The following UBE2E1 variants were observed in gnomAD, a reference collection of about 807,000 sequenced individuals.
The protein encoded by UBE2E1 is ubiquitin-conjugating enzyme E2 E1.
UBE2E1 carries 6 observed loss-of-function variants against 21.4 expected under a neutral mutation model. The observed-to-expected ratio is 0.28, with a 90% CI of 0.15 to 0.55. The LOEUF (loss-of-function observed/expected upper bound fraction) is 0.55, where lower values mean the gene tolerates loss of function less well. Among genes scored for constraint, UBE2E1 ranks in the 20% least tolerant of loss-of-function variants. UBE2E1 has a pLI of 0.93. For synonymous variants in UBE2E1, 87 were observed against 82.7 expected (o/e 1.05, Z -0.28); for missense variants, 142 against 236.5 (o/e 0.60, Z 2.62).
chr3:23,884,643 G>A (rs1286860042), intron 3 of UBE2E1, among the ~76,000 whole-genome samples: 1 of 152,140 alleles, frequency 6.6e-6, no homozygotes, highest in East Asian at 1.9e-4. Context: ...ATGCCAACAT[G>A]TCACCTCTAG....
chr3:23,850,037 A>G (rs1207789351), intron 3 of UBE2E1, among the ~76,000 whole-genome samples: 2 of 152,188 alleles, frequency 1.3e-5, no homozygotes, highest in Non-Finnish European at 1.5e-5. Flanking sequence ...TCATGTGATT[A>G]TTGGGTATCT....
chr3:23,871,490 C>T (rs542966513), intron 3 of UBE2E1, among the ~76,000 whole-genome samples: 17 of 150,782 alleles, frequency 1.1e-4, no homozygotes, highest in Admixed American at 2.0e-4. Context: ...ACCTCCCGGA[C>T]GGGGCGGCTG....
At chr3:23,871,069 G>A (rs570968098) in intron 3 of UBE2E1, among the ~76,000 whole-genome samples, 1 of 151,998 alleles carries the variant, frequency 6.6e-6, no homozygotes, top group South Asian at 2.1e-4. Flanking sequence ...AGTGTCCCAT[G>A]TCTACCTCTT....
chr3:23,875,089 G>T (rs1251850384), intron 3 of UBE2E1, among the ~76,000 whole-genome samples: 1 of 152,160 alleles, frequency 6.6e-6, no homozygotes, highest in Non-Finnish European at 1.5e-5. Context: ...TTACTTGGAA[G>T]TAGTTTTCTT....
chr3:23,810,442 C>T lies in UBE2E1; in HGVS notation c.153-1018C>T. On this transcript the variant is annotated intron_variant, in intron 2 of 5. Coordinates refer to ENST00000306627, the MANE Select transcript of UBE2E1 (RefSeq NM_003341.5). This position sits in a 1 kb window ranked among gnomAD's most constrained non-coding sequence, Gnocchi z 5.8. ...GCGGAGGGAGAAAACTGCAGGTCTC[C>T]AGTCTATCCCCAGTGTGAGCTAGAG... The T allele has an allele frequency of 1.6e-5, 25 of 1,535,520 alleles. No homozygotes were observed. The highest frequency in any genetic ancestry group is 2.2e-5 in the Non-Finnish European group (25 of 1,146,532).
At chr3:23,809,179 A>G (rs1411985439) in intron 2 of UBE2E1, among the ~76,000 whole-genome samples, 2 of 152,224 alleles carry the variant, frequency 1.3e-5, no homozygotes, top group Non-Finnish European at 2.9e-5. Context: ...TTGTTTTTGC[A>G]ATGAATTTAG....
In UBE2E1 at chr3:23,834,576, A is replaced by G. The variant is rs558547067; in HGVS notation, c.203+23066A>G. On this transcript the variant is annotated intron_variant, in intron 3 of 5. Coordinates refer to ENST00000306627, the MANE Select transcript of UBE2E1 (RefSeq NM_003341.5). The stretch of plus-strand genomic sequence containing the variant: ...TGGCAGCTTTTTATTTAAAAAATGA[A>G]AAAAAGGCCAGGTGCCATGGTTCAA... Among the ~76,000 whole-genome samples the G allele has an allele frequency of 1.4e-4, 21 of 152,208 alleles. No individual in the cohort carries two copies. In the East Asian group the frequency reaches 4.1e-3, roughly 29 times the overall value.
chr3:23,815,024 T>C (rs113215705), intron 3 of UBE2E1, among the ~76,000 whole-genome samples: 4,541 of 152,218 alleles, frequency 0.03, 226 homozygotes, highest in African/African-American at 0.1. Flanking sequence ...GGGTCTCATT[T>C]TGTCACCCAG....
intron 3 of UBE2E1, among the ~76,000 whole-genome samples, chr3:23,860,695 CT>C (rs1325763450): frequency 1.3e-5 from 2 of 152,190 alleles, no homozygotes; most frequent in African/African-American, 4.8e-5. Flanking sequence ...ACACTTACCT[CT>C]TTATTTGCTA....
In UBE2E1 at chr3:23,811,487, T is replaced by C; in HGVS notation, c.180T>C (p.Thr60=). Residue 60 remains threonine (T), a synonymous_variant, in exon 3 of 6, where the codon ACT becomes ACC. Transcript: ENST00000306627. ...TTCAGAAGGAGCTGGCGGACATCAC[T>C]TTAGACCCTCCACCTAATTGCAGGT... ...KRIQKELADI[T]LDPPPNCSAG... is the part of the protein sequence containing the mutation. 1 of 1,614,226 alleles carries C rather than the reference T, an allele frequency of 6.2e-7. No homozygotes were observed. Among genetic ancestry groups the C allele is most frequent in the Non-Finnish European group, 8.5e-7 (1 of 1,180,042 alleles).
chr3:23,846,916 GC>G (rs1316037753), intron 3 of UBE2E1, among the ~76,000 whole-genome samples: 1 of 151,754 alleles, frequency 6.6e-6, no homozygotes, highest in Non-Finnish European at 1.5e-5. Flanking sequence ...ATAAATAGCT[GC>G]TATCTTGAAA....
rs140378760 is a variant in UBE2E1 at position 23,889,189 on chromosome 3, T to C, written c.414T>C (p.Asn138=). The part of the protein sequence containing the change: ...GVICLDILKD[N]WSPALTISKV... ...TTTGCTTGGACATATTGAAAGATAA[T>C]TGGAGTCCAGCACTAACCATTTCTA... Residue 138 remains asparagine, a synonymous_variant, in exon 5 of 6, where the codon AAT becomes AAC. Coordinates refer to ENST00000306627, the MANE Select transcript of UBE2E1 (RefSeq NM_003341.5). 3.5e-3 allele frequency: 5,670 copies of C among 1,613,474 alleles called. 13 individuals carry two copies. Among genetic ancestry groups the C allele is most frequent in the Middle Eastern group, 0.011 (63 of 5,764 alleles).
At chr3:23,834,753 C>T (rs532053484) in intron 3 of UBE2E1, among the ~76,000 whole-genome samples, 3 of 152,096 alleles carry the variant, frequency 2.0e-5, no homozygotes, top group Non-Finnish European at 4.4e-5. Context: ...GAAAAAAAAA[C>T]TTACACTGCT....
intron 3 of UBE2E1, among the ~76,000 whole-genome samples, chr3:23,847,775 A>C (rs11719174): frequency 0.2 from 30,022 of 152,014 alleles, 3,177 homozygotes; most frequent in Non-Finnish European, 0.23. Flanking sequence ...GATTACAGGC[A>C]TGAGCCACCA....
In UBE2E1 at chr3:23,841,874, G is replaced by A. The variant is rs9880022; in HGVS notation, c.203+30364G>A. On this transcript the variant is annotated intron_variant, in intron 3 of 5. Coordinates refer to ENST00000306627, the MANE Select transcript of UBE2E1 (RefSeq NM_003341.5). ...TCCTAGATCTTTTTGTTTTGTGGAC[G>A]TATGTTTGGGGGTAGATGGTTTAGA... Among the ~76,000 whole-genome samples the A allele has an allele frequency of 3.1e-3, 476 of 152,226 alleles. 3 individuals are homozygous for A. The highest frequency in any genetic ancestry group is 0.011 in the African/African-American group (449 of 41,528).
chr3:23,807,175 G>C, intron 1 of UBE2E1, 62 bp from the exon 2 acceptor site: 2 of 1,410,866 alleles, frequency 1.4e-6, no homozygotes, highest in Non-Finnish European at 1.9e-6. Flanking sequence ...CAGCACCCGA[G>C]TTCCTTATTT....
chr3:23,873,484 C>T (rs1466029879), intron 3 of UBE2E1, among the ~76,000 whole-genome samples: 1 of 152,086 alleles, frequency 6.6e-6, no homozygotes, highest in African/African-American at 2.4e-5. Context: ...CGGTGGCTCA[C>T]GCCTGTAATC....
rs1447407297 is a variant in UBE2E1, at chr3:23,810,440, T to C, written c.153-1020T>C. The C allele has an allele frequency of 7.2e-6, 11 of 1,535,386 alleles. No individual in the cohort carries two copies. The highest frequency in any genetic ancestry group is 4.1e-5 in the African/African-American group (3 of 73,090). ...GTGCGGAGGGAGAAAACTGCAGGTC[T>C]CCAGTCTATCCCCAGTGTGAGCTAG... is the stretch of plus-strand genomic sequence containing the variant. On this transcript the variant is annotated intron_variant, in intron 2 of 5. Coordinates refer to ENST00000306627, the MANE Select transcript of UBE2E1 (RefSeq NM_003341.5). This position sits in a 1 kb window ranked among gnomAD's most constrained non-coding sequence, Gnocchi z 5.8.
At chr3:23,815,940 G>A (rs1263803370) in intron 3 of UBE2E1, among the ~76,000 whole-genome samples, 1 of 152,182 alleles carries the variant, frequency 6.6e-6, no homozygotes, top group Non-Finnish European at 1.5e-5. Flanking sequence ...TGACAACCAG[G>A]AGACTGGGGT....
Sources: gnomAD v4.1 joint callset for allele counts (sites outside exome capture counted in the v4.1 genomes callset) on GRCh38, gnomAD v4.1.1 for gene constraint, Gnocchi (gnomAD v3.1) non-coding constraint, MANE v1.5 for transcripts, NCBI Gene and HGNC (gene_info 2026-07-23, HGNC 2026-07-21) for gene names.